The following LINGO2 variants were observed in gnomAD, a reference collection of about 807,000 sequenced individuals.
LINGO2 encodes the protein leucine rich repeat and Ig domain containing 2.
Under a neutral mutation model 30.6 loss-of-function variants are expected in LINGO2, and 14 were observed. The ratio of observed to expected loss-of-function variants is 0.46; its 90% confidence interval spans 0.30 to 0.72. The LOEUF is 0.72. Ranked by LOEUF, LINGO2 falls within the 30% of genes least tolerant of loss-of-function variation. The pLI is 0.07. For synonymous variants in LINGO2, 317 were observed against 288.5 expected (o/e 1.10, Z -1.00); for missense variants, 729 against 751.7 (o/e 0.97, Z 0.35).
intron 4 of LINGO2, among the ~76,000 whole-genome samples, chr9:28,024,916 G>A (rs1306067489): frequency 2.0e-5 from 3 of 152,100 alleles, no homozygotes; most frequent in East Asian, 1.9e-4. Flanking sequence ...GGTGACTGTA[G>A]ACTCTGGTAA....
the LINGO2 span, among the ~76,000 whole-genome samples, chr9:28,695,500 A>G: frequency 0.012 from 1,889 of 152,048 alleles, 40 homozygotes; most frequent in African/African-American, 0.043. Flanking sequence ...ATCTTAAAGA[A>G]GTACATAAAT....
intron 1 of LINGO2, among the ~76,000 whole-genome samples, chr9:28,656,044 T>C (rs1471719889): frequency 6.6e-6 from 1 of 152,066 alleles, no homozygotes; most frequent in Non-Finnish European, 1.5e-5. Context: ...TTATTTAACA[T>C]TGGCTGTAAA....
chr9:28,728,763 C>T, the LINGO2 span, among the ~76,000 whole-genome samples: 5 of 151,900 alleles, frequency 3.3e-5, no homozygotes, highest in African/African-American at 1.2e-4. Context: ...ATGTTGGGAA[C>T]TCAAAGAAGA....
chr9:28,026,381 A>G (rs1305680360), intron 4 of LINGO2, among the ~76,000 whole-genome samples: 1 of 152,186 alleles, frequency 6.6e-6, no homozygotes, highest in African/African-American at 2.4e-5. Context: ...AACAGTTTGA[A>G]CATCAGAATC....
chr9:28,380,756 T>C (rs987997440), intron 2 of LINGO2, among the ~76,000 whole-genome samples: 1 of 152,022 alleles, frequency 6.6e-6, no homozygotes, highest in African/African-American at 2.4e-5. Context: ...GACAGCGATA[T>C]GTAGGATAGA....
chr9:28,761,641 T>C, the LINGO2 span, among the ~76,000 whole-genome samples: 2 of 151,928 alleles, frequency 1.3e-5, no homozygotes, highest in Non-Finnish European at 2.9e-5. Flanking sequence ...AAAAGTGACA[T>C]CTATTAGTGA....
Position 28,129,566 on chromosome 9 carries a change from G to A in LINGO2, c.-86-117161C>T, listed in dbSNP as rs1393347627. ...TGAATGGATCTAGGATTACTTCCCT[G>A]ACTCTTCCCAACTCACTTGACCTAT... On this transcript the variant is annotated intron_variant, in intron 4 of 5. Transcript: ENST00000379992. The surrounding 1 kb of genome is among the most constrained non-coding windows in gnomAD (Gnocchi z 4.0). 1 of 152,264 alleles carries A rather than the reference G, an allele frequency of 6.6e-6. No homozygotes were observed. The highest frequency in any genetic ancestry group is 1.9e-4 in the East Asian group (1 of 5,160). 9.4% of individuals were successfully genotyped at this position (152,264 alleles called of 1,614,324 possible).
the LINGO2 span, among the ~76,000 whole-genome samples, chr9:29,178,143 C>A: frequency 6.6e-6 from 1 of 151,908 alleles, no homozygotes; most frequent in Admixed American, 6.6e-5. Flanking sequence ...GGAACCTCCG[C>A]CTCCTGGGTC....
the LINGO2 span, among the ~76,000 whole-genome samples, chr9:28,710,160 C>A: frequency 6.6e-6 from 1 of 151,412 alleles, no homozygotes; most frequent in African/African-American, 2.4e-5. Flanking sequence ...GCTAGACCCT[C>A]ATGAGTGAAA....
chr9:29,104,540 C>T, the LINGO2 span, among the ~76,000 whole-genome samples: 107 of 152,184 alleles, frequency 7.0e-4, 2 homozygotes, highest in South Asian at 0.016. Context: ...TCGGGTAGTT[C>T]TTTATAGCAG....
intron 4 of LINGO2, among the ~76,000 whole-genome samples, chr9:28,089,483 T>C (rs1393370044): frequency 6.6e-6 from 1 of 152,082 alleles, no homozygotes. Flanking sequence ...CATAATGAAA[T>C]GAAGGCAGAA....
intron 2 of LINGO2, among the ~76,000 whole-genome samples, chr9:28,468,928 A>T (rs1478421984): frequency 6.6e-6 from 1 of 152,204 alleles, no homozygotes; most frequent in African/African-American, 2.4e-5. Context: ...ACGGTCCATC[A>T]AAAGGAACAA....
Position 28,628,264 on chromosome 9 carries a change from A to G in LINGO2, c.-365+41936T>C, listed in dbSNP as rs75077280. Among the ~76,000 whole-genome samples, 1,238 of 152,196 alleles carry G rather than the reference A, an allele frequency of 8.1e-3. 24 individuals carry two copies. Among genetic ancestry groups the G allele is most frequent in the African/African-American group, 0.029 (1,193 of 41,546 alleles). On this transcript the variant is annotated intron_variant, in intron 1 of 5. Transcript: ENST00000379992. ...AAGTAATACATTTCCTTCCTTTTGTAGAAAGCTGCATATAATATATCTTTG... is the reference window on the plus strand; with the variant it reads ...AAGTAATACATTTCCTTCCTTTTGTGGAAAGCTGCATATAATATATCTTTG...
At chr9:28,465,486 C>T (rs1471965752) in intron 2 of LINGO2, among the ~76,000 whole-genome samples, 1 of 152,126 alleles carries the variant, frequency 6.6e-6, no homozygotes, top group Admixed American at 6.6e-5. Flanking sequence ...GGCCAAAAGG[C>T]AACATTTGGT....
the LINGO2 span, among the ~76,000 whole-genome samples, chr9:29,171,785 C>A: frequency 6.6e-6 from 1 of 151,802 alleles, no homozygotes; most frequent in Non-Finnish European, 1.5e-5. Flanking sequence ...TATATCCCAA[C>A]ATTATATAAT....
chr9:28,984,087 C>G, the LINGO2 span, among the ~76,000 whole-genome samples: 5 of 152,188 alleles, frequency 3.3e-5, no homozygotes, highest in East Asian at 9.6e-4. Context: ...CTTCTTCACT[C>G]TCTTCTCATT....
chr9:28,807,718 G>T, the LINGO2 span, among the ~76,000 whole-genome samples: 2 of 152,180 alleles, frequency 1.3e-5, no homozygotes, highest in Non-Finnish European at 2.9e-5. Context: ...AATAGTAAGA[G>T]AGTATATAGG....
the LINGO2 span, among the ~76,000 whole-genome samples, chr9:29,076,105 T>C: frequency 4.6e-5 from 7 of 151,878 alleles, no homozygotes; most frequent in Non-Finnish European, 1.0e-4. Flanking sequence ...CTCAAACTCC[T>C]GGCCTCAAGT....
chr9:28,028,643 T>C (rs535598556), intron 4 of LINGO2, among the ~76,000 whole-genome samples: 12 of 152,298 alleles, frequency 7.9e-5, no homozygotes, highest in Non-Finnish European at 1.6e-4. Context: ...GGCATAGTAT[T>C]TGCATGTAAC....
Sources: allele counts gnomAD v4.1 joint callset (sites outside exome capture counted in the v4.1 genomes callset), GRCh38; gene constraint gnomAD v4.1.1; non-coding constraint Gnocchi (gnomAD v3.1); transcripts MANE v1.5; gene names NCBI Gene and HGNC (gene_info 2026-07-23, HGNC 2026-07-21).